Variants in FKBP1A observed in about 807,000 individuals in gnomAD.
FKBP1A encodes peptidyl-prolyl cis-trans isomerase FKBP1A.
A neutral mutation model predicts 14.2 loss-of-function variants in FKBP1A; 5 were observed. That is an observed-to-expected ratio of 0.35 (90% CI 0.18 to 0.74). The LOEUF (loss-of-function observed/expected upper bound fraction) is 0.74. Among genes scored for constraint, FKBP1A ranks in the 30% least tolerant of loss-of-function variants. The probability of loss-of-function intolerance (pLI) is 0.56; values close to 1 mark genes in which losing one functional copy is unlikely to be tolerated. For missense variants in FKBP1A, 53 were observed against 138.8 expected, an observed-to-expected ratio of 0.38 and a Z score of 3.10; for synonymous variants, 42 against 49.1, an observed-to-expected ratio of 0.86 and a Z score of 0.60.
intron 2 of FKBP1A, among the ~76,000 whole-genome samples, chr20:1,392,311 G>A (rs2089747738): frequency 6.6e-6 from 1 of 152,200 alleles, no homozygotes; most frequent in Non-Finnish European, 1.5e-5. Flanking sequence ...CCCCACCCTA[G>A]GCAAAGGGGC....
rs1475505554 is a variant in FKBP1A at position 1,372,670 on chromosome 20, G to A, written c.199-430C>T. Among the ~76,000 whole-genome samples, 14 of 152,230 alleles carry A rather than the reference G, an allele frequency of 9.2e-5. No homozygotes were observed. In the South Asian group the frequency reaches 2.7e-3, roughly 29 times the overall value. On this transcript the variant is annotated intron_variant, in intron 3 of 4. Transcript: ENST00000400137. The stretch of plus-strand genomic sequence containing the variant: ...CTTTAAAAAAATATATACACAGGAA[G>A]TAATACTTGAGGGTAGTCTATTTTT...
chr20:1,384,445 T>G (rs1361553499), intron 2 of FKBP1A, among the ~76,000 whole-genome samples: 1 of 152,156 alleles, frequency 6.6e-6, no homozygotes, highest in African/African-American at 2.4e-5. Context: ...TTAAAAAAGG[T>G]CAAATTGGTT....
At chr20:1,378,927 G>A (rs2089586224) in intron 2 of FKBP1A, among the ~76,000 whole-genome samples, 1 of 152,154 alleles carries the variant, frequency 6.6e-6, no homozygotes, top group South Asian at 2.1e-4. Context: ...TCAGGACCCA[G>A]TACACACCCA....
intron 3 of FKBP1A, among the ~76,000 whole-genome samples, chr20:1,375,064 G>T (rs565587660): frequency 6.6e-6 from 1 of 151,996 alleles, no homozygotes; most frequent in Admixed American, 6.6e-5. Context: ...CTCGAACTCC[G>T]GACCTCAGGT....
At chr20:1,385,365 G>A (rs900145406) in intron 2 of FKBP1A, among the ~76,000 whole-genome samples, 1 of 152,130 alleles carries the variant, frequency 6.6e-6, no homozygotes, top group Non-Finnish European at 1.5e-5. Flanking sequence ...ACTCCAGCCT[G>A]GGCGACAGAG....
At chr20:1,370,813 T>G (rs1346269974) in intron 4 of FKBP1A, 5 of 985,262 alleles carry the variant, frequency 5.1e-6, no homozygotes, top group African/African-American at 1.7e-5. Flanking sequence ...AGTACAGTTA[T>G]GTTCAAAAAA....
chr20:1,372,210 T>G lies in FKBP1A; in HGVS notation c.229A>C (p.Ile77Leu). The G allele has an allele frequency of 6.2e-7, 1 of 1,613,884 alleles. No individual in the cohort carries two copies. Among genetic ancestry groups the G allele is most frequent in the Non-Finnish European group, 8.5e-7 (1 of 1,179,822 alleles). ...GCACCATAGGCATAATCTGGAGATATAGTCAGTTTGGCTCTCTGACCCACA... is the reference window on the plus strand; with the variant it reads ...GCACCATAGGCATAATCTGGAGATAGAGTCAGTTTGGCTCTCTGACCCACA... ...MSVGQRAKLT[I>L]SPDYAYGATG... The change falls in exon 4 of 5, where the codon ATA becomes CTA. Residue 77 changes from isoleucine to leucine, a missense_variant. Transcript: ENST00000400137.
chr20:1,375,031 TTCGCC>T (rs1232114264), intron 3 of FKBP1A, among the ~76,000 whole-genome samples: 1 of 152,080 alleles, frequency 6.6e-6, no homozygotes, highest in Non-Finnish European at 1.5e-5. Context: ...GAGATGGGGT[TTCGCC>T]ATGTTGGCCA....
intron 2 of FKBP1A, among the ~76,000 whole-genome samples, chr20:1,390,627 G>A (rs967830022): frequency 3.9e-5 from 6 of 152,034 alleles, no homozygotes; most frequent in Non-Finnish European, 8.8e-5. Context: ...CCCCAAGATG[G>A]ATTCTGTTCC....
chr20:1,376,022 AT>A (rs2089537796), intron 2 of FKBP1A, among the ~76,000 whole-genome samples: 1 of 152,110 alleles, frequency 6.6e-6, no homozygotes, highest in African/African-American at 2.4e-5. Flanking sequence ...CCTTCCCAAA[AT>A]CCCCCATCAT....
At position 1,392,835 on chromosome 20, in the gene FKBP1A, G is replaced by T; in HGVS notation, c.84C>A (p.Thr28=). The change falls in exon 2 of 5, where the codon ACC becomes ACA. Residue 28 remains threonine (T), a splice_region_variant and synonymous_variant. Coordinates refer to ENST00000400137, the MANE Select transcript of FKBP1A (RefSeq NM_000801.5). ...KRGQTCVVHY[T]GMLEDGKKFD... is the part of the protein sequence containing the mutation. ...CTCCCCGCTGGGCCCCCGACTCACC[G>T]GTGTAGTGCACCACGCAGGTCTGGC... The T allele has an allele frequency of 6.6e-7, 1 of 1,518,100 alleles. No individual in the cohort carries two copies. Among genetic ancestry groups the T allele is most frequent in the Non-Finnish European group, 8.8e-7 (1 of 1,133,342 alleles). 94.0% of individuals were successfully genotyped at this position (1,518,100 alleles called of 1,614,324 possible). A position where few individuals can be genotyped will look rare whatever the true frequency, so the allele number is the denominator to read the frequency against.
chr20:1,374,458 T>TA (rs2089510668), intron 3 of FKBP1A: 1 of 152,232 alleles, frequency 6.6e-6, no homozygotes, highest in African/African-American at 2.4e-5. Flanking sequence ...AAACCACTGA[T>TA]ATCATGTTTT....
intron 4 of FKBP1A, chr20:1,371,263 C>T: frequency 1.4e-5 from 13 of 938,476 alleles, no homozygotes; most frequent in Non-Finnish European, 1.7e-5. Flanking sequence ...TACTAGGATA[C>T]TGAGTTTAGT....
intron 2 of FKBP1A, among the ~76,000 whole-genome samples, chr20:1,391,438 C>T (rs2089735143): frequency 6.6e-6 from 1 of 152,192 alleles, no homozygotes; most frequent in South Asian, 2.1e-4. Context: ...CAGCTTCCTT[C>T]ACGGACATGA....
intron 2 of FKBP1A, among the ~76,000 whole-genome samples, chr20:1,388,689 T>C (rs1462724957): frequency 6.6e-6 from 1 of 152,104 alleles, no homozygotes; most frequent in East Asian, 1.9e-4. Flanking sequence ...CAGTGTCCTG[T>C]TTCTGCCTTT....
chr20:1,372,273 G>A, intron 3 of FKBP1A, 33 bp from the exon 4 acceptor site: 2 of 1,610,014 alleles, frequency 1.2e-6, no homozygotes, highest in Non-Finnish European at 1.7e-6. Context: ...AGACTCAGCT[G>A]GACACATGCC....
At position 1,379,062 on chromosome 20, in the gene FKBP1A, C is replaced by T. The variant is rs1156312973; in HGVS notation, c.86-3459G>A. 6.6e-6 allele frequency among the ~76,000 whole-genome samples: 1 copy of T among 152,174 alleles called. No individual in the cohort carries two copies. The highest frequency in any genetic ancestry group is 1.5e-5 in the Non-Finnish European group (1 of 68,030). On this transcript the variant is annotated intron_variant, in intron 2 of 4. Transcript: ENST00000400137. The surrounding 1 kb of genome is among the most constrained non-coding windows in gnomAD (Gnocchi z 4.3). ...TTCATGATGCATTAATGGTTCATAA[C>T]CCACAATTTGGAAAGTACGGTATAC...
intron 4 of FKBP1A, chr20:1,371,784 T>C (rs2089467975): frequency 2.8e-6 from 3 of 1,063,854 alleles, no homozygotes; most frequent in African/African-American, 1.7e-5. Flanking sequence ...TACATTTCCA[T>C]AGTCCTCAAT....
chr20:1,371,125 C>T (rs1600322230), intron 4 of FKBP1A: 1 of 985,426 alleles, frequency 1.0e-6, no homozygotes, highest in African/African-American at 1.7e-5. Context: ...CTCACCCAGG[C>T]CTTGGCTGTG....
Sources: gnomAD v4.1 joint callset for allele counts (sites outside exome capture counted in the v4.1 genomes callset) on GRCh38, gnomAD v4.1.1 for gene constraint, Gnocchi (gnomAD v3.1) non-coding constraint, MANE v1.5 for transcripts, NCBI Gene and HGNC (gene_info 2026-07-23, HGNC 2026-07-21) for gene names.